The following FSIP2 variants were observed in gnomAD, a reference collection of about 807,000 sequenced individuals.
FSIP2 encodes fibrous sheath-interacting protein 2.
Under a neutral mutation model 510.5 loss-of-function variants are expected in FSIP2, and 367 were observed. The observed-to-expected ratio is 0.72, with a 90% CI of 0.66 to 0.78. FSIP2 has a LOEUF of 0.78. FSIP2 is among the 30% of genes least tolerant of loss of function. The pLI is 0.00. For missense variants in FSIP2, 7,594 were observed against 7,901.7 expected (o/e 0.96, Z 1.48); for synonymous variants, 2,601 against 2,732.2 (o/e 0.95, Z 1.50).
In FSIP2 at chr2:185,805,033, G is replaced by T; in HGVS notation, c.15727G>T (p.Glu5243Ter). 1 of 1,596,522 alleles carries T rather than the reference G, an allele frequency of 6.3e-7. No individual in the cohort carries two copies. The highest frequency in any genetic ancestry group is 8.5e-7 in the Non-Finnish European group (1 of 1,175,246). Reference protein sequence around the residue: ...YHHLQPFLHGEESSFSDLSDY... With the variant: ...YHHLQPFLHG ...TCATTTACAGCCATTTTTACATGGT[G>T]AAGAATCATCTTTCAGTGACTTATC... Residue 5243 changes from glutamate to a stop codon, truncating the protein, a stop_gained, in exon 17 of 23, where the codon GAA becomes TAA. Transcript: ENST00000424728. LOFTEE classifies it high-confidence loss of function.
Position 185,795,792 on chromosome 2 carries a change from C to T in FSIP2, c.8656C>T (p.Pro2886Ser). ...LEYSLSLLNL[P>S]PLENCESRFY... ...ATATTCTCTTTCACTTTTAAATTTG[C>T]CCCCTCTTGAGAATTGTGAAAGCAG... Residue 2886 changes from proline to serine, a missense_variant, in exon 16 of 23, where the codon CCC becomes TCC. Physicochemically the swap from Pro to Ser is moderately conservative, Grantham distance 74. Transcript: ENST00000424728. 1 of 1,533,030 alleles carries T rather than the reference C, an allele frequency of 6.5e-7. No individual in the cohort carries two copies. Among genetic ancestry groups the T allele is most frequent in the Non-Finnish European group, 8.7e-7 (1 of 1,144,568 alleles). 95.0% of individuals were successfully genotyped at this position (1,533,030 alleles called of 1,614,324 possible).
chr2:185,738,483 T>C (rs1306335292), upstream of FSIP2: 1 of 905,440 alleles, frequency 1.1e-6, no homozygotes, highest in Non-Finnish European at 1.6e-6. Flanking sequence ...GGGGAAGATG[T>C]AGAATGGGCA....
In FSIP2 at chr2:185,793,814, T is replaced by C. The variant is rs1444211280; in HGVS notation, c.6678T>C (p.Asp2226=). Residue 2226 remains aspartate, a synonymous_variant, in exon 16 of 23, where the codon GAT becomes GAC. Coordinates refer to ENST00000424728, the MANE Select transcript of FSIP2 (RefSeq NM_173651.4). ...GAAATCAGAAATCAGCTTATGCTGA[T>C]GATAATCAGATAACTGTAGTAGAGA... is the stretch of plus-strand genomic sequence containing the variant. ...YSRNQKSAYA[D]DNQITVVEKE... 2.1e-5 allele frequency: 32 copies of C among 1,532,792 alleles called. No homozygotes were observed. The highest frequency in any genetic ancestry group is 2.8e-5 in the Non-Finnish European group (32 of 1,145,348). The allele number at this position is 1,532,792 out of a possible 1,614,324, so 94.9% of individuals were successfully genotyped here. A position where few individuals can be genotyped will look rare whatever the true frequency, so the allele number is the denominator to read the frequency against.
At position 185,803,096 on chromosome 2, in the gene FSIP2, CATT is replaced by C; in HGVS notation, c.13793_13795del (p.Leu4598del). ...CTTCAGCCATTTGTGAGTGGAAAAT[CATT>C]ATCTTCATCAGACACATATTTTGAT... On this transcript the variant is annotated inframe_deletion, in exon 17 of 23. Coordinates refer to ENST00000424728, the MANE Select transcript of FSIP2 (RefSeq NM_173651.4). 1 of 1,515,424 alleles carries C rather than the reference CATT, an allele frequency of 6.6e-7. No homozygotes were observed. The highest frequency in any genetic ancestry group is 8.8e-7 in the Non-Finnish European group (1 of 1,138,068). The allele number at this position is 1,515,424 out of a possible 1,614,324, so 93.9% of individuals were successfully genotyped here. A position where few individuals can be genotyped will look rare whatever the true frequency, so the allele number is the denominator to read the frequency against.
At chr2:185,824,220 G>T (rs937374345) in intron 19 of FSIP2, among the ~76,000 whole-genome samples, 3 of 151,824 alleles carry the variant, frequency 2.0e-5, no homozygotes, top group African/African-American at 7.2e-5. Flanking sequence ...ACTTAAAATG[G>T]TTAAAATTGT....
rs1276624218 is a variant in FSIP2, at chr2:185,801,020, G to A, written c.11714G>A (p.Arg3905Lys). The change falls in exon 17 of 23, where the codon AGG becomes AAG. Residue 3905 changes from arginine to lysine, a missense_variant. Coordinates refer to ENST00000424728, the MANE Select transcript of FSIP2 (RefSeq NM_173651.4). ...CAGAGTAAAAGTTCTTTAGAACTCA[G>A]GAGCTATGATAGTAATTCTTTGACA... ...LGQSKSSLEL[R>K]SYDSNSLTVS... is the part of the protein sequence containing the mutation. 1.3e-6 allele frequency: 2 copies of A among 1,531,682 alleles called. No homozygotes were observed. Among genetic ancestry groups the A allele is most frequent in the Admixed American group, 2.0e-5 (1 of 50,708 alleles). The allele number at this position is 1,531,682 out of a possible 1,614,324, so 94.9% of individuals were successfully genotyped here.
At position 185,793,105 on chromosome 2, in the gene FSIP2, A is replaced by G. The variant is rs1206992643; in HGVS notation, c.5969A>G (p.Asn1990Ser). The G allele has an allele frequency of 6.5e-7, 1 of 1,534,392 alleles. No homozygotes were observed. The highest frequency in any genetic ancestry group is 8.7e-7 in the Non-Finnish European group (1 of 1,145,712). Residue 1990 changes from asparagine to serine, a missense_variant, in exon 16 of 23, where the codon AAC (asparagine) becomes AGC (serine). Physicochemically the swap from Asn to Ser is conservative, Grantham distance 46 (BLOSUM62 1). Coordinates refer to ENST00000424728, the MANE Select transcript of FSIP2 (RefSeq NM_173651.4). ...GATCATACCAAGTCAGGAAAGACCA[A>G]CTTGTGCCAACTGTCTTTGTCTAAA... ...SVDHTKSGKT[N>S]LCQLSLSKLN...
At position 185,790,584 on chromosome 2, in the gene FSIP2, C is replaced by T; in HGVS notation, c.3448C>T (p.His1150Tyr). Residue 1150 changes from histidine to tyrosine, a missense_variant, in exon 16 of 23, where the codon CAT becomes TAT. Transcript: ENST00000424728. ...TTCAGAAAAGCCTCAAGGACTGTCA[C>T]ATCAAGAATGGATAGACCAGATGTT... ...LVSEKPQGLSHQEWIDQMFSV... is the reference protein window; with the variant it reads ...LVSEKPQGLSYQEWIDQMFSV... 3 of 1,533,914 alleles carry T rather than the reference C, an allele frequency of 2.0e-6. No homozygotes were observed. Among genetic ancestry groups the T allele is most frequent in the South Asian group, 1.2e-5 (1 of 83,878 alleles).
chr2:185,807,443 TC>T lies in FSIP2; in HGVS notation c.18139del (p.Leu6047PhefsTer3). ...GACAATTTGTCCACAGAACTGAATT[TC>T]CTTCAAATGAAGTTAGTAAGTGCAG... is the stretch of plus-strand genomic sequence containing the variant. ...PEDNLSTELN[F>X]LQMKLVSAVA... is the part of the protein sequence containing the mutation. On this transcript the variant is annotated frameshift_variant, in exon 17 of 23. Coordinates refer to ENST00000424728, the MANE Select transcript of FSIP2 (RefSeq NM_173651.4). LOFTEE classifies it high-confidence loss of function. 6.2e-7 allele frequency: 1 copy of T among 1,612,534 alleles called. No homozygotes were observed. The highest frequency in any genetic ancestry group is 2.2e-5 in the East Asian group (1 of 44,810).
rs1360714852 is a variant in FSIP2 at position 185,792,158 on chromosome 2, T to G, written c.5022T>G (p.Pro1674=). 1 of 1,532,996 alleles carries G rather than the reference T, an allele frequency of 6.5e-7. No individual in the cohort carries two copies. The highest frequency in any genetic ancestry group is 2.0e-5 in the Admixed American group (1 of 50,708). 95.0% of individuals were successfully genotyped at this position (1,532,996 alleles called of 1,614,324 possible). ...AGACAAGTGTAGAAAACCCACCACC[T>G]GAGACTCAAATACTTAAGTATGTAG... is the stretch of plus-strand genomic sequence containing the variant. ...DLKTSVENPP[P]ETQILKYVVK... The change falls in exon 16 of 23, where the codon CCT becomes CCG. Residue 1674 remains proline (P), a synonymous_variant. Coordinates refer to ENST00000424728, the MANE Select transcript of FSIP2 (RefSeq NM_173651.4).
chr2:185,800,567 A>ATGT lies in FSIP2; in HGVS notation c.11265_11267dup (p.Val3756dup), dbSNP rs1446004214. On this transcript the variant is annotated inframe_insertion, in exon 17 of 23. Coordinates refer to ENST00000424728, the MANE Select transcript of FSIP2 (RefSeq NM_173651.4). ...TCCTCAAAATCAGTTTTTCTTCTCA[A>ATGT]TGTTGTATGTGAGAAACTTATCAGA... The ATGT allele has an allele frequency of 6.5e-7, 1 of 1,528,540 alleles. No homozygotes were observed. The allele number at this position is 1,528,540 out of a possible 1,614,324, so 94.7% of individuals were successfully genotyped here.
chr2:185,792,549 T>C lies in FSIP2; in HGVS notation c.5413T>C (p.Ser1805Pro). The change falls in exon 16 of 23, where the codon TCT becomes CCT. Residue 1805 changes from serine (S) to proline (P), a missense_variant. Physicochemically the swap from Ser to Pro is moderately conservative, Grantham distance 74. Coordinates refer to ENST00000424728, the MANE Select transcript of FSIP2 (RefSeq NM_173651.4). ...NQLNVLSLSH[S>P]NFNGMPHNVD... ...ATTAAATGTCCTTTCTCTCTCCCACTCTAATTTTAATGGCATGCCTCACAA... is the reference window on the plus strand; with the variant it reads ...ATTAAATGTCCTTTCTCTCTCCCACCCTAATTTTAATGGCATGCCTCACAA... 1 of 1,532,322 alleles carries C rather than the reference T, an allele frequency of 6.5e-7. No homozygotes were observed. The highest frequency in any genetic ancestry group is 8.7e-7 in the Non-Finnish European group (1 of 1,144,080). 94.9% of individuals were successfully genotyped at this position (1,532,322 alleles called of 1,614,324 possible).
At chr2:185,810,420 G>C (rs1693702452) in intron 17 of FSIP2, among the ~76,000 whole-genome samples, 1 of 151,690 alleles carries the variant, frequency 6.6e-6, no homozygotes, top group Non-Finnish European at 1.5e-5. Flanking sequence ...TTCACTTTGT[G>C]ATGTGCCTGC....
In FSIP2 at chr2:185,796,579, G is replaced by C; in HGVS notation, c.9443G>C (p.Gly3148Ala). 1 of 1,535,024 alleles carries C rather than the reference G, an allele frequency of 6.5e-7. No homozygotes were observed. Among genetic ancestry groups the C allele is most frequent in the East Asian group, 2.4e-5 (1 of 40,854 alleles). ...QNLSRESLFQ[G>A]AENAYTVNQV... ...CTTTCAAGAGAAAGTTTGTTCCAAG[G>C]AGCTGAAAATGCCTACACTGTTAAT... The change falls in exon 16 of 23, where the codon GGA becomes GCA. Residue 3148 changes from glycine to alanine, a missense_variant. Gly to Ala is a moderately conservative substitution (Grantham distance 60, BLOSUM62 0). Transcript: ENST00000424728.
Position 185,808,857 on chromosome 2 carries a change from T to G in FSIP2, c.19551T>G (p.Ser6517=). 6.2e-7 allele frequency: 1 copy of G among 1,611,784 alleles called. No homozygotes were observed. The highest frequency in any genetic ancestry group is 8.5e-7 in the Non-Finnish European group (1 of 1,179,136). ...ATCAAAATTTATCTGAAGAGGAATC[T>G]CCAATTAAAATAGTTCCACATGTTG... The part of the protein sequence containing the change: ...KLDQNLSEEE[S]PIKIVPHVGK... The change falls in exon 17 of 23, where the codon TCT becomes TCG. Residue 6517 remains serine (S), a synonymous_variant. Coordinates refer to ENST00000424728, the MANE Select transcript of FSIP2 (RefSeq NM_173651.4).
chr2:185,780,405 T>C (rs1692820480), intron 13 of FSIP2, among the ~76,000 whole-genome samples: 1 of 151,782 alleles, frequency 6.6e-6, no homozygotes, highest in South Asian at 2.1e-4. Flanking sequence ...TAATTCTCTC[T>C]TTAGTTATTT....
At position 185,801,881 on chromosome 2, in the gene FSIP2, AT is replaced by A; in HGVS notation, c.12576del (p.His4192GlnfsTer44). Reference protein sequence around the residue: ...INKVMSAISKHKIWFTIYDNQ... With the variant: ...INKVMSAISKXKIWFTIYDNQ... ...AAGGTTATGTCAGCCATTTCAAAAC[AT>A]AAAATCTGGTTCACTATATATGATA... is the stretch of plus-strand genomic sequence containing the variant. On this transcript the variant is annotated frameshift_variant, in exon 17 of 23. Coordinates refer to ENST00000424728, the MANE Select transcript of FSIP2 (RefSeq NM_173651.4). LOFTEE classifies it high-confidence loss of function. The A allele has an allele frequency of 6.7e-7, 1 of 1,492,284 alleles. No homozygotes were observed. Among genetic ancestry groups the A allele is most frequent in the Non-Finnish European group, 8.9e-7 (1 of 1,121,836 alleles). The allele number at this position is 1,492,284 out of a possible 1,614,324, so 92.4% of individuals were successfully genotyped here. A position where few individuals can be genotyped will look rare whatever the true frequency, so the allele number is the denominator to read the frequency against.
chr2:185,791,113 A>G lies in FSIP2; in HGVS notation c.3977A>G (p.Lys1326Arg), dbSNP rs1294546564. 2 of 1,532,184 alleles carry G rather than the reference A, an allele frequency of 1.3e-6. No homozygotes were observed. Among genetic ancestry groups the G allele is most frequent in the East Asian group, 4.9e-5 (2 of 40,824 alleles). The allele number at this position is 1,532,184 out of a possible 1,614,324, so 94.9% of individuals were successfully genotyped here. A position where few individuals can be genotyped will look rare whatever the true frequency, so the allele number is the denominator to read the frequency against. ...AATCTTAGGGAGATTGACCATACCA[A>G]ATCCCTTACAGATAAAGGATTTTTT... Reference protein sequence around the residue: ...NLNLREIDHTKSLTDKGFFAN... With the variant: ...NLNLREIDHTRSLTDKGFFAN... Residue 1326 changes from lysine to arginine, a missense_variant, in exon 16 of 23, where the codon AAA (lysine) becomes AGA (arginine). Lys to Arg is a conservative substitution (Grantham distance 26). Coordinates refer to ENST00000424728, the MANE Select transcript of FSIP2 (RefSeq NM_173651.4).
chr2:185,757,437 T>TG, intron 9 of FSIP2, among the ~76,000 whole-genome samples: 1 of 151,448 alleles, frequency 6.6e-6, no homozygotes, highest in Admixed American at 6.6e-5. Context: ...CAGAATTGGG[T>TG]GGAGGGGGTT....
Sources: gnomAD v4.1 joint callset for allele counts (sites outside exome capture counted in the v4.1 genomes callset) on GRCh38, gnomAD v4.1.1 for gene constraint, MANE v1.5 for transcripts, NCBI Gene and HGNC (gene_info 2026-07-23, HGNC 2026-07-21) for gene names.